YWHAG: variants seen among roughly 807,000 people sequenced by gnomAD.
YWHAG encodes the protein tyrosine 3-monooxygenase/tryptophan 5-monooxygenase activation protein gamma.
A neutral mutation model predicts 23.3 loss-of-function variants in YWHAG; 1 was observed. The ratio of observed to expected loss-of-function variants is 0.04; its 90% confidence interval spans 0.02 to 0.20. The LOEUF is 0.20. YWHAG is among the 10% of genes least tolerant of loss of function. The pLI, the probability that YWHAG is intolerant of heterozygous loss-of-function variation, is 1.00. For synonymous variants in YWHAG, 160 were observed against 144.0 expected (o/e 1.11, Z -0.80); for missense variants, 151 against 338.6 (o/e 0.45, Z 4.35).
chr7:76,357,076 T>C (rs1421248187), intron 1 of YWHAG, among the ~76,000 whole-genome samples: 2 of 152,206 alleles, frequency 1.3e-5, no homozygotes, highest in Non-Finnish European at 2.9e-5. Flanking sequence ...AGAGTCTAAA[T>C]AACACGAACT....
chr7:76,358,930 C>G lies in YWHAG; in HGVS notation c.-122G>C. The G allele has an allele frequency of 1.1e-6, 1 of 924,594 alleles. No homozygotes were observed. 57.3% of individuals were successfully genotyped at this position (924,594 alleles called of 1,614,324 possible). A position where few individuals can be genotyped will look rare whatever the true frequency, so the allele number is the denominator to read the frequency against. ...CGACCCACAGAGCGAGCAGCTGAGG[C>G]GGCGGCTGCGCGGAGGAGGCGGCTG... On this transcript the variant is annotated 5_prime_UTR_variant, in exon 1 of 2. Coordinates refer to ENST00000307630, the MANE Select transcript of YWHAG (RefSeq NM_012479.4).
At position 76,329,114 on chromosome 7, in the gene YWHAG, A is replaced by G. The variant is rs888449760; in HGVS notation, c.*463T>C. The G allele has an allele frequency of 6.1e-6, 1 of 162,978 alleles. No homozygotes were observed. The highest frequency in any genetic ancestry group is 1.3e-5 in the Non-Finnish European group (1 of 74,474). The allele number at this position is 162,978 out of a possible 1,614,324, so 10.1% of individuals were successfully genotyped here. ...GTCAGTCTGGGATTTACACTGTTCCATGTCTGTAGGCTACACCCTGGAAAA... is the reference window on the plus strand; with the variant it reads ...GTCAGTCTGGGATTTACACTGTTCCGTGTCTGTAGGCTACACCCTGGAAAA... On this transcript the variant is annotated 3_prime_UTR_variant, in exon 2 of 2. Coordinates refer to ENST00000307630, the MANE Select transcript of YWHAG (RefSeq NM_012479.4). This position sits in a 1 kb window ranked among gnomAD's most constrained non-coding sequence, Gnocchi z 6.1.
At chr7:76,347,281 T>C (rs1185556054) in intron 1 of YWHAG, among the ~76,000 whole-genome samples, 6 of 152,196 alleles carry the variant, frequency 3.9e-5, no homozygotes, top group Non-Finnish European at 8.8e-5. Flanking sequence ...GTCTACAAAA[T>C]ATTCAAATGC....
chr7:76,355,650 G>A (rs1034299389), intron 1 of YWHAG, among the ~76,000 whole-genome samples: 3 of 152,098 alleles, frequency 2.0e-5, no homozygotes, highest in African/African-American at 7.2e-5. Flanking sequence ...GAGGGGGAAT[G>A]GAATATTTAA....
chr7:76,331,395 G>A (rs7456676), intron 1 of YWHAG, among the ~76,000 whole-genome samples: 1 of 152,096 alleles, frequency 6.6e-6, no homozygotes, highest in African/African-American at 2.4e-5. Flanking sequence ...ATTACATACA[G>A]AGACGACAGG....
intron 1 of YWHAG, 43 bp from the exon 2 acceptor site, chr7:76,330,276 T>G (rs1803523499): frequency 6.4e-7 from 1 of 1,574,628 alleles, no homozygotes; most frequent in Admixed American, 1.7e-5. Flanking sequence ...ACAGATGGTG[T>G]CCACTGGGTT....
In YWHAG at chr7:76,329,514, C is replaced by G. The variant is rs77248382; in HGVS notation, c.*63G>C. 9.4e-4 allele frequency: 970 copies of G among 1,033,782 alleles called. 9 individuals are homozygous for G. In the African/African-American group the frequency reaches 0.013, roughly 14 times the overall value. 64.0% of individuals were successfully genotyped at this position (1,033,782 alleles called of 1,614,324 possible). ...TCCCTCCCCCACCCGACCCCCAACT[C>G]ATGGGAAAAAAATAAAGACTGCAGT... On this transcript the variant is annotated 3_prime_UTR_variant, in exon 2 of 2. Transcript: ENST00000307630. The surrounding 1 kb of genome is among the most constrained non-coding windows in gnomAD (Gnocchi z 6.1).
chr7:76,337,630 G>A (rs535176234), intron 1 of YWHAG, among the ~76,000 whole-genome samples: 2 of 151,598 alleles, frequency 1.3e-5, no homozygotes, highest in South Asian at 4.2e-4. Flanking sequence ...TGCCTCCTAG[G>A]TTCAAGTGAT....
intron 1 of YWHAG, among the ~76,000 whole-genome samples, chr7:76,346,966 C>G (rs1441145100): frequency 6.6e-6 from 1 of 152,182 alleles, no homozygotes; most frequent in Non-Finnish European, 1.5e-5. Flanking sequence ...ATCACGCCAC[C>G]AGTTCTCCTT....
chr7:76,358,956 G>A lies in YWHAG; in HGVS notation c.-148C>T. 3.0e-6 allele frequency: 2 copies of A among 663,222 alleles called. No homozygotes were observed. The highest frequency in any genetic ancestry group is 4.5e-6 in the Non-Finnish European group (2 of 442,678). The allele number at this position is 663,222 out of a possible 1,614,324, so 41.1% of individuals were successfully genotyped here. ...GGCGGCTGCGCGGAGGAGGCGGCTG[G>A]AGCTGCGACCGCGGGACCGGGCGCG... On this transcript the variant is annotated 5_prime_UTR_variant, in exon 1 of 2. Coordinates refer to ENST00000307630, the MANE Select transcript of YWHAG (RefSeq NM_012479.4).
At chr7:76,354,511 C>T (rs1376665557) in intron 1 of YWHAG, among the ~76,000 whole-genome samples, 1 of 152,100 alleles carries the variant, frequency 6.6e-6, no homozygotes, top group African/African-American at 2.4e-5. Context: ...CAGAGCAAGA[C>T]TCCGTCTCAA....
chr7:76,354,565 T>A (rs1187954927), intron 1 of YWHAG, among the ~76,000 whole-genome samples: 2 of 152,156 alleles, frequency 1.3e-5, no homozygotes, highest in East Asian at 3.9e-4. Context: ...AGGTTAGGAC[T>A]GCTGATATTG....
intron 1 of YWHAG, among the ~76,000 whole-genome samples, chr7:76,331,018 C>A (rs1803534421): frequency 6.6e-6 from 1 of 152,144 alleles, no homozygotes; most frequent in African/African-American, 2.4e-5. Flanking sequence ...CAAATAACTG[C>A]TTATTAATAT....
rs569904540 is a variant in YWHAG, at chr7:76,330,069, C to T, written c.252G>A (p.Ala84=). The change falls in exon 2 of 2, where the codon GCG becomes GCA. Residue 84 remains alanine (A), a synonymous_variant. Coordinates refer to ENST00000307630, the MANE Select transcript of YWHAG (RefSeq NM_012479.4). ...ACTCCTTCTCTATCTTCTCCCGGTA[C>T]GCACGGACCATCTCAATCTTCTTCT... ...GNEKKIEMVR[A]YREKIEKELE... 3.3e-5 allele frequency: 54 copies of T among 1,614,178 alleles called. No individual in the cohort carries two copies. Among genetic ancestry groups the T allele is most frequent in the African/African-American group, 4.0e-5 (3 of 75,026 alleles).
chr7:76,330,358 TG>T, intron 1 of YWHAG, 125 bp from the exon 2 acceptor site: 1 of 1,070,588 alleles, frequency 9.3e-7, no homozygotes, highest in Non-Finnish European at 1.3e-6. Context: ...TTACTTTGTG[TG>T]GGCTGGGGGA....
chr7:76,347,102 C>T (rs1036546329), intron 1 of YWHAG, among the ~76,000 whole-genome samples: 10 of 152,128 alleles, frequency 6.6e-5, no homozygotes, highest in African/African-American at 1.9e-4. Flanking sequence ...CCCTCCCTGA[C>T]GACCAGTGTC....
intron 1 of YWHAG, among the ~76,000 whole-genome samples, chr7:76,335,764 A>G (rs897669196): frequency 1.5e-4 from 23 of 152,226 alleles, no homozygotes; most frequent in Admixed American, 1.4e-3. Flanking sequence ...CAGCCTGGCC[A>G]ACATGGCGAA....
rs1370990480 is a variant in YWHAG, at chr7:76,328,620, G to C, written c.*957C>G. On this transcript the variant is annotated 3_prime_UTR_variant, in exon 2 of 2. Transcript: ENST00000307630. ...AACGCCCCAGTGCAGAGTGGGTGAC[G>C]GCAGTGTGATCCCTGAGGAGGGAGC... The C allele has an allele frequency of 6.6e-6, 1 of 152,206 alleles. No individual in the cohort carries two copies. The highest frequency in any genetic ancestry group is 2.4e-5 in the African/African-American group (1 of 41,440). The allele number at this position is 152,206 out of a possible 1,614,324, so 9.4% of individuals were successfully genotyped here.
Position 76,350,083 on chromosome 7 carries a change from T to C in YWHAG, c.87+8639A>G, listed in dbSNP as rs114854297. 1.9e-3 allele frequency among the ~76,000 whole-genome samples: 289 copies of C among 152,244 alleles called. 3 individuals carry two copies. The highest frequency in any genetic ancestry group is 6.8e-3 in the African/African-American group (283 of 41,556). On this transcript the variant is annotated intron_variant, in intron 1 of 1. Transcript: ENST00000307630. The stretch of plus-strand genomic sequence containing the variant: ...AAAAGACCGATGTGCTGAAAAATGG[T>C]GAAGCTGGGTGTACGGGGGTTACTG...
Sources: gnomAD v4.1 joint callset for allele counts (sites outside exome capture counted in the v4.1 genomes callset) on GRCh38, gnomAD v4.1.1 for gene constraint, Gnocchi (gnomAD v3.1) non-coding constraint, MANE v1.5 for transcripts, NCBI Gene and HGNC (gene_info 2026-07-23, HGNC 2026-07-21) for gene names.